TMED3: variants seen among roughly 807,000 people sequenced by gnomAD.
The protein encoded by TMED3 is transmembrane emp24 domain-containing protein 3.
A neutral mutation model predicts 15.0 loss-of-function variants in TMED3; 9 were observed. The ratio of observed to expected loss-of-function variants is 0.60; its 90% confidence interval spans 0.36 to 1.04. The LOEUF (loss-of-function observed/expected upper bound fraction) is 1.04, where lower values mean the gene tolerates loss of function less well. TMED3 is among the 50% of genes least tolerant of loss of function. The probability of loss-of-function intolerance (pLI) is 0.01; values close to 1 mark genes in which losing one functional copy is unlikely to be tolerated. For synonymous variants in TMED3, 117 were observed against 121.4 expected, an observed-to-expected ratio of 0.96 and a Z score of 0.24; for missense variants, 267 against 278.9, an observed-to-expected ratio of 0.96 and a Z score of 0.30.
At chr15:79,397,316 A>C (rs1292900057) in intron 2 of TMED3, among the ~76,000 whole-genome samples, 1 of 152,224 alleles carries the variant, frequency 6.6e-6, no homozygotes, top group Non-Finnish European at 1.5e-5. Flanking sequence ...CATGCCTTTC[A>C]GAAAGTATTG....
chr15:79,365,184 T>C (rs911055076), intron 2 of TMED3, among the ~76,000 whole-genome samples: 3 of 152,234 alleles, frequency 2.0e-5, no homozygotes, highest in Admixed American at 1.3e-4. Flanking sequence ...ACATGGGGAT[T>C]ACACATTGGT....
chr15:79,346,875 T>A (rs1057283553), intron 2 of TMED3, among the ~76,000 whole-genome samples: 1 of 152,120 alleles, frequency 6.6e-6, no homozygotes, highest in Admixed American at 6.6e-5. Context: ...GCTCTGAAAT[T>A]GAGCCAGTAA....
chr15:79,408,745 T>C (rs1399411898), intron 2 of TMED3, among the ~76,000 whole-genome samples: 1 of 152,192 alleles, frequency 6.6e-6, no homozygotes, highest in Non-Finnish European at 1.5e-5. Flanking sequence ...TTTTCTCACC[T>C]TTAAAATGCA....
At position 79,360,819 on chromosome 15, in the gene TMED3, G is replaced by A. The variant is rs189032330; in HGVS notation, c.417+46814G>A. Among the ~76,000 whole-genome samples the A allele has an allele frequency of 1.1e-4, 16 of 152,190 alleles. No individual in the cohort carries two copies. In the East Asian group the frequency reaches 1.9e-3, roughly 18 times the overall value. ...AGTATGCTACAGAATCACTTAAAACGAATACATAATATTCCATGTAATTTA... is the reference window on the plus strand; with the variant it reads ...AGTATGCTACAGAATCACTTAAAACAAATACATAATATTCCATGTAATTTA... On this transcript the variant is annotated intron_variant, in intron 2 of 2. Coordinates refer to the TMED3 transcript ENST00000424155.
chr15:79,361,182 A>T (rs1480817201), intron 2 of TMED3, among the ~76,000 whole-genome samples: 1 of 152,150 alleles, frequency 6.6e-6, no homozygotes, highest in Non-Finnish European at 1.5e-5. Context: ...TGATATTTTT[A>T]ACCAATTCCA....
chr15:79,372,088 G>A (rs1239396964), intron 2 of TMED3, among the ~76,000 whole-genome samples: 1 of 152,194 alleles, frequency 6.6e-6, no homozygotes, highest in Admixed American at 6.5e-5. Context: ...AAAAACCTTA[G>A]CCTGTGGGTT....
At chr15:79,365,636 G>C (rs80157394) in intron 2 of TMED3, among the ~76,000 whole-genome samples, 1 of 152,176 alleles carries the variant, frequency 6.6e-6, no homozygotes, top group African/African-American at 2.4e-5. Flanking sequence ...GTGTCTGTCT[G>C]GTGCTCAGTA....
intron 2 of TMED3, among the ~76,000 whole-genome samples, chr15:79,367,595 C>A (rs1281280094): frequency 6.6e-6 from 1 of 152,204 alleles, no homozygotes; most frequent in East Asian, 1.9e-4. Flanking sequence ...GTAAACCCCA[C>A]CTGTTCCACC....
chr15:79,382,493 A>T (rs1399003137), intron 2 of TMED3, among the ~76,000 whole-genome samples: 1 of 152,222 alleles, frequency 6.6e-6, no homozygotes, highest in Non-Finnish European at 1.5e-5. Context: ...ATGCATAGCT[A>T]AAGTTCTGTT....
At chr15:79,338,926 G>A (rs1194598458) in intron 2 of TMED3, among the ~76,000 whole-genome samples, 7 of 152,086 alleles carry the variant, frequency 4.6e-5, no homozygotes, top group African/African-American at 9.7e-5. Flanking sequence ...CCCTTTCCCC[G>A]GGGAATTTAG....
At position 79,311,235 on chromosome 15, in the gene TMED3, G is replaced by A. The variant is rs1246527749; in HGVS notation, c.-15G>A. 1.3e-6 allele frequency: 2 copies of A among 1,589,476 alleles called. No individual in the cohort carries two copies. The highest frequency in any genetic ancestry group is 1.7e-5 in the Admixed American group (1 of 58,968). On this transcript the variant is annotated 5_prime_UTR_variant, in exon 1 of 3. Coordinates refer to ENST00000299705, the MANE Select transcript of TMED3 (RefSeq NM_007364.4). Reference sequence around the variant, plus strand: ...GCGCCCGAGCCGCGGCCCTCGAGACGGGACCGAGAGCATCATGGGCAGCAC... The same window carrying A: ...GCGCCCGAGCCGCGGCCCTCGAGACAGGACCGAGAGCATCATGGGCAGCAC...
At chr15:79,351,745 A>T (rs4622494) in intron 2 of TMED3, among the ~76,000 whole-genome samples, 2 of 151,866 alleles carry the variant, frequency 1.3e-5, no homozygotes, top group African/African-American at 2.4e-5. Flanking sequence ...TAGGAAAAGA[A>T]GTCATTATAT....
chr15:79,317,884 C>G (rs2058747850), intron 2 of TMED3, among the ~76,000 whole-genome samples: 1 of 152,248 alleles, frequency 6.6e-6, no homozygotes, highest in African/African-American at 2.4e-5. Context: ...GCATACATCC[C>G]TTTCTGCATC....
At chr15:79,408,875 G>A (rs981171693) in intron 2 of TMED3, among the ~76,000 whole-genome samples, 1 of 152,088 alleles carries the variant, frequency 6.6e-6, no homozygotes, top group Non-Finnish European at 1.5e-5. Context: ...AAGGGCCCAC[G>A]GCTTCTCTGT....
intron 2 of TMED3, among the ~76,000 whole-genome samples, chr15:79,375,426 A>T (rs897787646): frequency 6.6e-6 from 1 of 152,170 alleles, no homozygotes; most frequent in African/African-American, 2.4e-5. Flanking sequence ...TGGAGAGGTT[A>T]GAGTTTACAT....
At chr15:79,402,825 G>A (rs913074947) in intron 2 of TMED3, among the ~76,000 whole-genome samples, 13 of 151,908 alleles carry the variant, frequency 8.6e-5, no homozygotes, top group African/African-American at 2.9e-4. Context: ...GGGGGGCCAA[G>A]GAATAGGAGG....
chr15:79,366,631 C>A (rs943633831), intron 2 of TMED3, among the ~76,000 whole-genome samples: 1 of 152,204 alleles, frequency 6.6e-6, no homozygotes, highest in African/African-American at 2.4e-5. Context: ...TAGTGCCCAG[C>A]AGGCTCCTAA....
At chr15:79,385,860 C>T (rs867132045) in intron 2 of TMED3, among the ~76,000 whole-genome samples, 24 of 152,174 alleles carry the variant, frequency 1.6e-4, no homozygotes, top group African/African-American at 5.8e-4. Context: ...CAGCCGCAGC[C>T]AGTGTGATAG....
At chr15:79,318,894 T>C (rs1456269176) in intron 2 of TMED3, among the ~76,000 whole-genome samples, 1 of 152,250 alleles carries the variant, frequency 6.6e-6, no homozygotes, top group Non-Finnish European at 1.5e-5. Flanking sequence ...TGGAGTCAAC[T>C]TCCTGATGTC....
Sources: gnomAD v4.1 joint callset for allele counts (sites outside exome capture counted in the v4.1 genomes callset) on GRCh38, gnomAD v4.1.1 for gene constraint, MANE v1.5 for transcripts, NCBI Gene and HGNC (gene_info 2026-07-23, HGNC 2026-07-21) for gene names.